EHHADH: variants seen among roughly 807,000 people sequenced by gnomAD.
EHHADH encodes the protein enoyl-CoA hydratase and 3-hydroxyacyl CoA dehydrogenase, also known as peroxisomal bifunctional enzyme.
Under a neutral mutation model 64.4 loss-of-function variants are expected in EHHADH, and 48 were observed. The ratio of observed to expected loss-of-function variants is 0.75; its 90% CI spans 0.59 to 0.95. The LOEUF (loss-of-function observed/expected upper bound fraction) is 0.95. Among genes scored for constraint, EHHADH ranks in the 40% least tolerant of loss-of-function variants. The pLI, the probability that EHHADH is intolerant of heterozygous loss-of-function variation, is 0.00. For missense variants in EHHADH, 854 were observed against 876.6 expected (o/e 0.97, Z 0.33); for synonymous variants, 308 against 326.7 (o/e 0.94, Z 0.62).
rs1717838153 is a variant in EHHADH at position 185,190,687 on chromosome 3, TAAG to T, written c.*1536_*1538del. On this transcript the variant is annotated 3_prime_UTR_variant, in exon 7 of 7. Coordinates refer to ENST00000231887, the MANE Select transcript of EHHADH (RefSeq NM_001966.4). ...TTTCACAAACCAAATTATATAAAAT[TAAG>T]TAGTACACATTTCAAACATAATAAT... is the stretch of plus-strand genomic sequence containing the variant. The T allele has an allele frequency of 6.6e-6, 1 of 152,188 alleles. No individual in the cohort carries two copies. The highest frequency in any genetic ancestry group is 2.4e-5 in the African/African-American group (1 of 41,444). 9.4% of individuals were successfully genotyped at this position (152,188 alleles called of 1,614,324 possible).
intron 2 of EHHADH, among the ~76,000 whole-genome samples, chr3:185,239,756 T>C (rs1332743395): frequency 6.6e-6 from 1 of 152,180 alleles, no homozygotes; most frequent in African/African-American, 2.4e-5. Context: ...CTTTTCCAAT[T>C]TGGATGCCTT....
At chr3:185,199,526 T>A (rs935639178) in intron 6 of EHHADH, among the ~76,000 whole-genome samples, 5 of 152,258 alleles carry the variant, frequency 3.3e-5, no homozygotes, top group African/African-American at 4.8e-5. Context: ...TGGGGTAAAC[T>A]GTGGCCTGTA....
At chr3:185,240,708 G>T (rs1181723868) in intron 2 of EHHADH, among the ~76,000 whole-genome samples, 2 of 151,814 alleles carry the variant, frequency 1.3e-5, no homozygotes, top group Non-Finnish European at 2.9e-5. Context: ...TCTTTTCAAA[G>T]AACCAACTTT....
At chr3:185,203,506 C>A (rs905431016) in intron 6 of EHHADH, among the ~76,000 whole-genome samples, 4 of 152,086 alleles carry the variant, frequency 2.6e-5, no homozygotes, top group Non-Finnish European at 4.4e-5. Context: ...TAAAATCCAC[C>A]AAAGACCGTT....
chr3:185,229,431 C>A lies in EHHADH; in HGVS notation c.463+1G>T. On this transcript the variant is annotated splice_donor_variant, in intron 4 of 6. Transcript: ENST00000231887. LOFTEE classifies it high-confidence loss of function. Reference sequence around the variant, plus strand: ...CAGTTGTTGCCAAGGTCTATACTGACCTGAGGTAATTAAGTCAAGTGCAGC... The same window carrying A: ...CAGTTGTTGCCAAGGTCTATACTGAACTGAGGTAATTAAGTCAAGTGCAGC... The A allele has an allele frequency of 6.6e-7, 1 of 1,520,374 alleles. No individual in the cohort carries two copies. The highest frequency in any genetic ancestry group is 8.9e-7 in the Non-Finnish European group (1 of 1,124,866). 94.2% of individuals were successfully genotyped at this position (1,520,374 alleles called of 1,614,324 possible). A position where few individuals can be genotyped will look rare whatever the true frequency, so the allele number is the denominator to read the frequency against.
At chr3:185,201,398 A>G (rs978419159) in intron 6 of EHHADH, among the ~76,000 whole-genome samples, 2 of 152,242 alleles carry the variant, frequency 1.3e-5, no homozygotes, top group Non-Finnish European at 2.9e-5. Flanking sequence ...ACCACAGTGC[A>G]GGACCACAAA....
chr3:185,221,577 C>CTT (rs10663266), intron 4 of EHHADH, among the ~76,000 whole-genome samples: 90,587 of 130,592 alleles, frequency 0.69, 32,173 homozygotes, highest in Non-Finnish European at 0.74. Context: ...ATTTTTTTTT[C>CTT]TTTTTTTTTT....
intron 6 of EHHADH, among the ~76,000 whole-genome samples, chr3:185,198,202 C>A (rs1042380226): frequency 2.6e-5 from 4 of 151,380 alleles, no homozygotes; most frequent in African/African-American, 9.7e-5. Flanking sequence ...ATAGAAGCTG[C>A]AACATTTTAT....
At chr3:185,238,202 C>T (rs1298612650) in intron 2 of EHHADH, among the ~76,000 whole-genome samples, 1 of 152,086 alleles carries the variant, frequency 6.6e-6, no homozygotes, top group Non-Finnish European at 1.5e-5. Flanking sequence ...CTATCATTAA[C>T]AGTGCTGTGA....
intron 3 of EHHADH, among the ~76,000 whole-genome samples, chr3:185,232,797 C>T (rs944743622): frequency 6.6e-6 from 1 of 152,188 alleles, no homozygotes; most frequent in Non-Finnish European, 1.5e-5. Context: ...CATGATTTCT[C>T]CTCAGCCACA....
At chr3:185,219,458 T>C (rs1478533681) in intron 4 of EHHADH, among the ~76,000 whole-genome samples, 8 of 152,236 alleles carry the variant, frequency 5.3e-5, no homozygotes, top group African/African-American at 1.7e-4. Flanking sequence ...GGTGCTGGTA[T>C]ACTTAGCATC....
chr3:185,233,178 G>A (rs903907331), intron 3 of EHHADH, among the ~76,000 whole-genome samples: 3 of 152,184 alleles, frequency 2.0e-5, no homozygotes, highest in Non-Finnish European at 4.4e-5. Flanking sequence ...AGTACATAAT[G>A]TATGAAGATA....
chr3:185,220,974 C>G (rs1718817636), intron 4 of EHHADH, among the ~76,000 whole-genome samples: 3 of 152,178 alleles, frequency 2.0e-5, no homozygotes, highest in Admixed American at 2.0e-4. Context: ...TTCACTATGA[C>G]CTTTTCTATG....
intron 4 of EHHADH, among the ~76,000 whole-genome samples, chr3:185,221,946 T>C (rs1029991311): frequency 5.3e-5 from 8 of 152,166 alleles, no homozygotes; most frequent in Non-Finnish European, 1.0e-4. Context: ...GGATTTCTAC[T>C]AGCAGTTATC....
At chr3:185,251,828 A>C (rs768380943) in intron 1 of EHHADH, among the ~76,000 whole-genome samples, 1 of 152,218 alleles carries the variant, frequency 6.6e-6, no homozygotes, top group Admixed American at 6.5e-5. Flanking sequence ...AAGACAGACA[A>C]AAAAGGGCAG....
rs1327670216 is a variant in EHHADH, at chr3:185,191,520, G to A, written c.*706C>T. On this transcript the variant is annotated 3_prime_UTR_variant, in exon 7 of 7. Coordinates refer to ENST00000231887, the MANE Select transcript of EHHADH (RefSeq NM_001966.4). ...TTTGCAACAATTTTAGATTTTTCAA[G>A]ATTCAACCATTTCCATATGTAACAT... The A allele has an allele frequency of 3.3e-5, 5 of 152,196 alleles. No homozygotes were observed. Among genetic ancestry groups the A allele is most frequent in the African/African-American group, 1.2e-4 (5 of 41,442 alleles). The allele number at this position is 152,196 out of a possible 1,614,324, so 9.4% of individuals were successfully genotyped here.
intron 2 of EHHADH, among the ~76,000 whole-genome samples, chr3:185,235,692 G>T (rs1175052660): frequency 7.2e-5 from 11 of 151,978 alleles, no homozygotes; most frequent in Non-Finnish European, 1.5e-4. Context: ...GAAAATCCTT[G>T]AATCTTTACC....
intron 5 of EHHADH, among the ~76,000 whole-genome samples, chr3:185,215,919 C>T (rs1479701836): frequency 6.6e-6 from 1 of 151,964 alleles, no homozygotes; most frequent in Non-Finnish European, 1.5e-5. Flanking sequence ...TTATATTCTA[C>T]ACATTTTTAT....
At position 185,228,615 on chromosome 3, in the gene EHHADH, T is replaced by C. The variant is rs1257437698; in HGVS notation, c.463+817A>G. Among the ~76,000 whole-genome samples, 5 of 150,088 alleles carry C rather than the reference T, an allele frequency of 3.3e-5. 1 individual carries two copies. In the South Asian group the frequency reaches 8.5e-4, roughly 26 times the overall value. Reference sequence around the variant, plus strand: ...ATCACTTGAACCCGGGAGGTGGAGGTTGCCGTGAGCCGAGATCATGCCACT... The same window carrying C: ...ATCACTTGAACCCGGGAGGTGGAGGCTGCCGTGAGCCGAGATCATGCCACT... On this transcript the variant is annotated intron_variant, in intron 4 of 6. Transcript: ENST00000231887.
Sources: allele counts gnomAD v4.1 joint callset (sites outside exome capture counted in the v4.1 genomes callset), GRCh38; gene constraint gnomAD v4.1.1; transcripts MANE v1.5; gene names NCBI Gene and HGNC (gene_info 2026-07-23, HGNC 2026-07-21).